DPH6: variants seen among roughly 807,000 people sequenced by gnomAD.
The protein encoded by DPH6 is diphthamine biosynthesis 6.
DPH6 carries 33 observed loss-of-function variants against 38.2 expected under a neutral mutation model. The ratio of observed to expected loss-of-function variants is 0.86; its 90% CI spans 0.65 to 1.15. The LOEUF is 1.15. Among genes scored for constraint, DPH6 ranks in the 50% most tolerant of loss-of-function variants. The pLI, the probability that DPH6 is intolerant of heterozygous loss-of-function variation, is 0.00. For synonymous variants in DPH6, 108 were observed against 103.0 expected (o/e 1.05, Z -0.30); for missense variants, 325 against 320.0 (o/e 1.02, Z -0.12).
At chr15:35,282,893 AT>A in intron 3 of DPH6, 2 of 347,254 alleles carry the variant, frequency 5.8e-6, no homozygotes, top group Admixed American at 6.5e-5. Context: ...GGGTTCCACC[AT>A]ATAGATGTTC....
downstream of DPH6, among the ~76,000 whole-genome samples, chr15:35,217,067 T>G (rs1391660683): frequency 6.6e-6 from 1 of 152,200 alleles, no homozygotes; most frequent in African/African-American, 2.4e-5. Flanking sequence ...CAGTGATATT[T>G]GAATCAATAA....
chr15:35,466,846 T>C (rs181015436), intron 3 of DPH6, among the ~76,000 whole-genome samples: 13 of 152,240 alleles, frequency 8.5e-5, no homozygotes, highest in Admixed American at 5.2e-4. Context: ...TATCTAACCA[T>C]AGAAAAAGTA....
chr15:35,406,596 T>G (rs2140987283), intron 6 of DPH6, among the ~76,000 whole-genome samples: 1 of 152,060 alleles, frequency 6.6e-6, no homozygotes, highest in South Asian at 2.1e-4. Context: ...AGTAAGATAT[T>G]AAGAAGGTAG....
rs371485842 is a variant in DPH6, at chr15:35,487,547, C to T, written c.313-32727G>A. ...CTTTTAGCCATGGCTGGAGCTGAAG[C>T]AGCTGGGATGCAGGATGCCATGTTG... On this transcript the variant is annotated intron_variant, in intron 3 of 8. Coordinates refer to ENST00000256538, the MANE Select transcript of DPH6 (RefSeq NM_080650.4). Among the ~76,000 whole-genome samples the T allele has an allele frequency of 1.2e-4, 19 of 152,362 alleles. No homozygotes were observed. The East Asian group carries it at 1.9e-3, about 15-fold the overall frequency.
At chr15:35,506,169 A>C (rs1266624666) in intron 3 of DPH6, among the ~76,000 whole-genome samples, 1 of 152,192 alleles carries the variant, frequency 6.6e-6, no homozygotes, top group Non-Finnish European at 1.5e-5. Flanking sequence ...GCCTAAAACT[A>C]AAATGAATTA....
chr15:35,418,969 T>C (rs1159271216), intron 5 of DPH6, among the ~76,000 whole-genome samples: 3 of 151,968 alleles, frequency 2.0e-5, no homozygotes, highest in Non-Finnish European at 4.4e-5. Context: ...GTATAATCAC[T>C]CTGAGAAGCA....
At chr15:35,210,946 CTTTTTTTT>C in the DPH6 span, among the ~76,000 whole-genome samples, 47 of 61,570 alleles carry the variant, frequency 7.6e-4, no homozygotes, top group South Asian at 4.7e-3. Flanking sequence ...AGATAGATCA[CTTTTTTTT>C]TTTTTTTTTT....
chr15:35,166,715 A>G, the DPH6 span, among the ~76,000 whole-genome samples: 1,013 of 152,130 alleles, frequency 6.7e-3, 14 homozygotes, highest in African/African-American at 0.023. Flanking sequence ...TTAAAAAGTG[A>G]GTAATTGTAA....
chr15:35,314,483 TCAA>T (rs1274280578), intron 3 of DPH6, among the ~76,000 whole-genome samples: 2 of 152,180 alleles, frequency 1.3e-5, no homozygotes, highest in African/African-American at 4.8e-5. Flanking sequence ...ACTTGCAACA[TCAA>T]CAACGCATTT....
chr15:35,267,648 T>C (rs567263631), intron 3 of DPH6, among the ~76,000 whole-genome samples: 43 of 152,326 alleles, frequency 2.8e-4, no homozygotes, highest in African/African-American at 1.0e-3. Context: ...TTTTCGAGAA[T>C]AGCCTGATGG....
At chr15:35,229,994 C>T (rs973311919) in intron 3 of DPH6, among the ~76,000 whole-genome samples, 10 of 152,210 alleles carry the variant, frequency 6.6e-5, no homozygotes, top group African/African-American at 2.2e-4. Flanking sequence ...AGACCTGAAG[C>T]CAACACAGCA....
In DPH6 at chr15:35,285,872, G is replaced by GTTTTTTTT. The variant is rs67243158; in HGVS notation, n.201-65298_201-65291dup. Reference sequence around the variant, plus strand: ...GACTCAATTATCATTTTATCTTTGAGTTTTTTTTTTTTTTTTTACCTGAGA... The same window carrying GTTTTTTTT: ...GACTCAATTATCATTTTATCTTTGAGTTTTTTTTTTTTTTTTTTTTTTTTTACCTGAGA... On this transcript the variant is annotated intron_variant and non_coding_transcript_variant, in intron 3 of 3. Coordinates refer to the DPH6 transcript ENST00000560386. Among the ~76,000 whole-genome samples, 480 of 52,312 alleles carry GTTTTTTTT rather than the reference G, an allele frequency of 9.2e-3. 115 individuals are homozygous for GTTTTTTTT. Among genetic ancestry groups the GTTTTTTTT allele is most frequent in the African/African-American group, 0.011 (148 of 13,002 alleles). 34.3% of individuals were successfully genotyped at this position (52,312 alleles called of 152,430 possible).
At chr15:35,396,004 T>C (rs988027665) in intron 6 of DPH6, among the ~76,000 whole-genome samples, 3 of 152,208 alleles carry the variant, frequency 2.0e-5, no homozygotes, top group Non-Finnish European at 4.4e-5. Context: ...GAGGGTCATA[T>C]TGGAATAGCC....
chr15:35,230,080 A>G (rs2051506522), intron 3 of DPH6, among the ~76,000 whole-genome samples: 1 of 152,170 alleles, frequency 6.6e-6, no homozygotes, highest in South Asian at 2.1e-4. Context: ...GGGCTCTACA[A>G]TCAGGACTGT....
chr15:35,540,565 T>C (rs1266952983), intron 2 of DPH6, among the ~76,000 whole-genome samples: 1 of 152,130 alleles, frequency 6.6e-6, no homozygotes, highest in East Asian at 1.9e-4. Context: ...CACAGCCATC[T>C]GTTTTCTTCT....
intron 3 of DPH6, among the ~76,000 whole-genome samples, chr15:35,537,831 T>C (rs1246015631): frequency 1.3e-5 from 2 of 152,094 alleles, no homozygotes; most frequent in Non-Finnish European, 2.9e-5. Flanking sequence ...AGCATGTTAT[T>C]TATTGTTTAT....
intron 3 of DPH6, among the ~76,000 whole-genome samples, chr15:35,231,206 C>T (rs78110038): frequency 0.027 from 4,141 of 152,296 alleles, 185 homozygotes; most frequent in African/African-American, 0.095. Flanking sequence ...CTGCAATTCC[C>T]CTCTAAATAG....
intron 3 of DPH6, among the ~76,000 whole-genome samples, chr15:35,356,787 A>T (rs1482478498): frequency 6.6e-6 from 1 of 152,190 alleles, no homozygotes; most frequent in East Asian, 1.9e-4. Flanking sequence ...GCATGCTGGG[A>T]GAACCACTAC....
At chr15:35,201,261 T>C in the DPH6 span, among the ~76,000 whole-genome samples, 5 of 151,774 alleles carry the variant, frequency 3.3e-5, no homozygotes, top group Admixed American at 6.6e-5. Context: ...CTATCTATTA[T>C]TGGAATATTC....
Sources: gnomAD v4.1 joint callset for allele counts (sites outside exome capture counted in the v4.1 genomes callset) on GRCh38, gnomAD v4.1.1 for gene constraint, MANE v1.5 for transcripts, NCBI Gene and HGNC (gene_info 2026-07-23, HGNC 2026-07-21) for gene names.